Variants in ESYT3 observed in about 807,000 individuals in gnomAD.
ESYT3 encodes the protein extended synaptotagmin-3.
In ESYT3, 101 loss-of-function variants were observed where a neutral mutation model predicts 111.5. That is an observed-to-expected ratio of 0.91 (90% confidence interval 0.77 to 1.07). The LOEUF is 1.07. Among genes scored for constraint, ESYT3 ranks in the 50% least tolerant of loss-of-function variants. The probability of loss-of-function intolerance (pLI) is 0.00; values close to 1 mark genes in which losing one functional copy is unlikely to be tolerated. For missense variants in ESYT3, 1,097 were observed against 1,109.4 expected (o/e 0.99, Z 0.16); for synonymous variants, 416 against 446.8 (o/e 0.93, Z 0.87).
At position 138,434,828 on chromosome 3, in the gene ESYT3, G is replaced by GGCCCCCAGC; in HGVS notation, c.35_43dup (p.Pro12_Ala14dup). ...GAGCAGAGGAGCCCTGCGCCCCCGG[G>GGCCCCCAGC]GCCCCCAGCGCCCTGGGAGCCCAGC... is the stretch of plus-strand genomic sequence containing the variant. On this transcript the variant is annotated inframe_insertion, in exon 1 of 23. Transcript: ENST00000389567. 6.4e-7 allele frequency: 1 copy of GGCCCCCAGC among 1,557,244 alleles called. No individual in the cohort carries two copies. The highest frequency in any genetic ancestry group is 8.7e-7 in the Non-Finnish European group (1 of 1,152,168).
At chr3:138,450,589 A>G (rs1342892609) in intron 1 of ESYT3, among the ~76,000 whole-genome samples, 1 of 152,216 alleles carries the variant, frequency 6.6e-6, no homozygotes, top group East Asian at 1.9e-4. Flanking sequence ...GTATCCCAAG[A>G]GAGAATGGGA....
rs781172836 is a variant in ESYT3, at chr3:138,470,956, C to T, written c.1670C>T (p.Thr557Ile). The change falls in exon 17 of 23, where the codon ACT (threonine) becomes ATT (isoleucine). Residue 557 changes from threonine (T) to isoleucine (I), a missense_variant. Transcript: ENST00000389567. ...LCQILPYADL[T>I]LEQRFQLDHS... is the part of the protein sequence containing the mutation. ...CAGATCCTCCCCTATGCTGACCTCA[C>T]TCTTGAGCAGCGCTTTCAGCTGGAC... The T allele has an allele frequency of 6.2e-6, 10 of 1,614,178 alleles. No individual in the cohort carries two copies. The highest frequency in any genetic ancestry group is 8.5e-6 in the Non-Finnish European group (10 of 1,180,038).
intron 2 of ESYT3, among the ~76,000 whole-genome samples, chr3:138,453,678 T>A (rs1303418443): frequency 1.3e-5 from 2 of 152,110 alleles, no homozygotes; most frequent in African/African-American, 4.8e-5. Context: ...GAAAGAAAGA[T>A]GTAACGCAGG....
chr3:138,460,746 C>T (rs2032586615), intron 7 of ESYT3, 80 bp downstream of exon 7: 4 of 1,432,360 alleles, frequency 2.8e-6, no homozygotes, highest in Non-Finnish European at 3.9e-6. Flanking sequence ...AGGAGCTGTG[C>T]AATGGTGGTG....
intron 20 of ESYT3, 96 bp from the exon 21 acceptor site, chr3:138,476,127 C>A: frequency 1.3e-6 from 1 of 791,514 alleles, no homozygotes; most frequent in Non-Finnish European, 2.2e-6. Context: ...ATAGTCTGTA[C>A]CTTTCTGTTT....
At chr3:138,469,036 C>T (rs1407619443) in intron 14 of ESYT3, among the ~76,000 whole-genome samples, 155 bp downstream of exon 14, 1 of 152,174 alleles carries the variant, frequency 6.6e-6, no homozygotes, top group Non-Finnish European at 1.5e-5. Flanking sequence ...GTGTGCCAGG[C>T]ACTAGGCTTG....
rs1160440702 is a variant in ESYT3, at chr3:138,434,640, C to T, written c.-159C>T. 5 of 650,642 alleles carry T rather than the reference C, an allele frequency of 7.7e-6. No homozygotes were observed. The highest frequency in any genetic ancestry group is 5.8e-5 in the African/African-American group (3 of 51,770). The allele number at this position is 650,642 out of a possible 1,614,324, so 40.3% of individuals were successfully genotyped here. A position where few individuals can be genotyped will look rare whatever the true frequency, so the allele number is the denominator to read the frequency against. ...TGCATTTCCAGGCGCTGCTCTCCGT[C>T]GCAGAGAACCCTGAGCTCGGCGCGC... On this transcript the variant is annotated 5_prime_UTR_variant, in exon 1 of 23. Coordinates refer to ENST00000389567, the MANE Select transcript of ESYT3 (RefSeq NM_031913.5).
intron 10 of ESYT3, among the ~76,000 whole-genome samples, chr3:138,466,797 T>C (rs1341164123): frequency 6.6e-6 from 1 of 152,144 alleles, no homozygotes; most frequent in Non-Finnish European, 1.5e-5. Context: ...AGGCTGTACA[T>C]GAAGCATAGT....
rs573568796 is a variant in ESYT3 at position 138,476,035 on chromosome 3, G to T, written c.2469-188G>T. 2.0e-5 allele frequency among the ~76,000 whole-genome samples: 3 copies of T among 152,334 alleles called. No homozygotes were observed. The East Asian group carries it at 5.8e-4, about 29-fold the overall frequency. Reference sequence around the variant, plus strand: ...CAGCCTCTTAATACTTCTGGATTTTGTGAACAACACTGGACAGTGATTATT... The same window carrying T: ...CAGCCTCTTAATACTTCTGGATTTTTTGAACAACACTGGACAGTGATTATT... On this transcript the variant is annotated intron_variant, in intron 20 of 22. Coordinates refer to ENST00000389567, the MANE Select transcript of ESYT3 (RefSeq NM_031913.5).
chr3:138,438,244 A>G (rs181741647), intron 1 of ESYT3, among the ~76,000 whole-genome samples: 1 of 152,316 alleles, frequency 6.6e-6, no homozygotes, highest in East Asian at 1.9e-4. Flanking sequence ...CTCCTTTGGT[A>G]TCAAGAAATA....
chr3:138,466,438 GTTGCT>G (rs1385972450), intron 10 of ESYT3, among the ~76,000 whole-genome samples: 2 of 152,160 alleles, frequency 1.3e-5, no homozygotes, highest in Non-Finnish European at 2.9e-5. Flanking sequence ...ACCACCAGAT[GTTGCT>G]TATCATTTTT....
chr3:138,470,701 C>T, intron 16 of ESYT3, 176 bp from the exon 17 acceptor site: 2 of 1,430,942 alleles, frequency 1.4e-6, no homozygotes, highest in Non-Finnish European at 1.8e-6. Context: ...TCTTCCCTGA[C>T]AGAAGACAAG....
rs2033630959 is a variant in ESYT3, at chr3:138,479,495, T to C, written c.*2641T>C. On this transcript the variant is annotated 3_prime_UTR_variant, in exon 23 of 23. Transcript: ENST00000389567. ...TCAAATTGACGTCTGTCTCCTTTGC[T>C]GCTTTCCCGGCAGGCTGATGTTTGG... The C allele has an allele frequency of 6.6e-6, 1 of 152,272 alleles. No homozygotes were observed. The highest frequency in any genetic ancestry group is 1.9e-4 in the East Asian group (1 of 5,202). 9.4% of individuals were successfully genotyped at this position (152,272 alleles called of 1,614,324 possible).
chr3:138,434,684 A>G lies in ESYT3; in HGVS notation c.-115A>G. ...GGCGCGCCGAGAGTCCCAGCAGGGC[A>G]AGGGGGCGCGGCGTCCTGGTCCTCG... On this transcript the variant is annotated 5_prime_UTR_variant, in exon 1 of 23. Coordinates refer to ENST00000389567, the MANE Select transcript of ESYT3 (RefSeq NM_031913.5). The G allele has an allele frequency of 1.0e-6, 1 of 952,656 alleles. No homozygotes were observed. Among genetic ancestry groups the G allele is most frequent in the South Asian group, 1.8e-5 (1 of 55,062 alleles). The allele number at this position is 952,656 out of a possible 1,614,324, so 59.0% of individuals were successfully genotyped here.
At chr3:138,468,037 G>T in intron 11 of ESYT3, 68 bp from the exon 12 acceptor site, 1 of 1,448,304 alleles carries the variant, frequency 6.9e-7, no homozygotes, top group Non-Finnish European at 9.7e-7. Context: ...TCAGGACTGG[G>T]CTGCCCAGAG....
At chr3:138,459,299 G>T in intron 5 of ESYT3, 46 bp downstream of exon 5, 1 of 1,473,202 alleles carries the variant, frequency 6.8e-7, no homozygotes. Context: ...CCCCCAGGGT[G>T]GGGATCAGGG....
intron 1 of ESYT3, among the ~76,000 whole-genome samples, 195 bp from the exon 2 acceptor site, chr3:138,451,853 G>A (rs2031950562): frequency 6.6e-6 from 1 of 152,282 alleles, no homozygotes; most frequent in Non-Finnish European, 1.5e-5. Context: ...TTTGAGGGCA[G>A]GACCAGTTCC....
intron 8 of ESYT3, 26 bp downstream of exon 8, chr3:138,462,232 C>A (rs756084496): frequency 5.0e-6 from 8 of 1,614,080 alleles, no homozygotes; most frequent in Non-Finnish European, 6.8e-6. Context: ...TAGCCACAGA[C>A]CAGCCTGCTG....
rs192253657 is a variant in ESYT3, at chr3:138,457,497, C to T, written c.505-71C>T. ...GCTCGTTGCTGACAAAGCCCAGTGC[C>T]GGGGGGAGAGCTGGCAGCTGTCCCC... On this transcript the variant is annotated intron_variant, in intron 3 of 22. Coordinates refer to ENST00000389567, the MANE Select transcript of ESYT3 (RefSeq NM_031913.5). 166 of 1,380,806 alleles carry T rather than the reference C, an allele frequency of 1.2e-4. No homozygotes were observed. The Admixed American group carries it at 1.7e-3, about 14-fold the overall frequency. The allele number at this position is 1,380,806 out of a possible 1,614,324, so 85.5% of individuals were successfully genotyped here.
Sources: allele counts gnomAD v4.1 joint callset (sites outside exome capture counted in the v4.1 genomes callset), GRCh38; gene constraint gnomAD v4.1.1; transcripts MANE v1.5; gene names NCBI Gene and HGNC (gene_info 2026-07-23, HGNC 2026-07-21).